The following ERGIC1 variants were observed in gnomAD, a reference collection of about 807,000 sequenced individuals.
ERGIC1 encodes the protein endoplasmic reticulum-golgi intermediate compartment 1.
Under a neutral mutation model 38.3 loss-of-function variants are expected in ERGIC1, and 19 were observed. The ratio of observed to expected loss-of-function variants is 0.50; its 90% CI spans 0.35 to 0.73. The LOEUF (loss-of-function observed/expected upper bound fraction) is 0.73, where lower values mean the gene tolerates loss of function less well. Ranked by LOEUF, ERGIC1 falls within the 30% of genes least tolerant of loss-of-function variation. ERGIC1 has a pLI of 0.01. For synonymous variants in ERGIC1, 124 were observed against 157.6 expected (o/e 0.79, Z 1.60); for missense variants, 294 against 389.2 (o/e 0.76, Z 2.06).
chr5:172,887,520 A>C (rs1156884775), intron 1 of ERGIC1, among the ~76,000 whole-genome samples: 1 of 152,240 alleles, frequency 6.6e-6, no homozygotes, highest in African/African-American at 2.4e-5. Context: ...CGAGAGGTGA[A>C]GTCGTTTGCT....
chr5:172,876,674 T>C (rs889425256), intron 1 of ERGIC1, among the ~76,000 whole-genome samples: 2 of 152,186 alleles, frequency 1.3e-5, no homozygotes, highest in African/African-American at 4.8e-5. Context: ...CATGAAACCA[T>C]CATCACAGCC....
chr5:172,883,893 G>A (rs958704405), intron 1 of ERGIC1, among the ~76,000 whole-genome samples: 1 of 152,182 alleles, frequency 6.6e-6, no homozygotes, highest in African/African-American at 2.4e-5. Flanking sequence ...TGAGGTGGGA[G>A]GATCGCCTGA....
At chr5:172,867,610 C>A in intron 1 of ERGIC1, 1 of 378,258 alleles carries the variant, frequency 2.6e-6, no homozygotes, top group South Asian at 1.9e-5. Context: ...TGGGTCCTGG[C>A]TGGGCTGGGC....
At chr5:172,929,562 A>G (rs1454967397) in intron 7 of ERGIC1, among the ~76,000 whole-genome samples, 3 of 152,232 alleles carry the variant, frequency 2.0e-5, no homozygotes, top group Non-Finnish European at 4.4e-5. Flanking sequence ...TGAGTCATCA[A>G]TTGTACTCAT....
chr5:172,864,268 C>CTTTTTTTT (rs60390189), intron 1 of ERGIC1, among the ~76,000 whole-genome samples: 2 of 71,160 alleles, frequency 2.8e-5, no homozygotes, highest in African/African-American at 1.0e-4. Context: ...ATTTTGTAGT[C>CTTTTTTTT]TTTTTTTTTT....
rs1248222761 is a variant in ERGIC1 at position 172,932,466 on chromosome 5, T to C, written c.572T>C (p.Ile191Thr). The C allele has an allele frequency of 1.9e-6, 3 of 1,614,168 alleles. No homozygotes were observed. Among genetic ancestry groups the C allele is most frequent in the Non-Finnish European group, 1.7e-6 (2 of 1,180,024 alleles). ...GCCTCCCACGACTACATCCTGAAGA[T>C]TGTGCCCACGGTTTATGAGGACAAG... Reference protein sequence around the residue: ...PLASHDYILKIVPTVYEDKSG... With the variant: ...PLASHDYILKTVPTVYEDKSG... The change falls in exon 8 of 10, where the codon ATT (isoleucine) becomes ACT (threonine). Residue 191 changes from isoleucine (I) to threonine (T), a missense_variant. Physicochemically the swap from Ile to Thr is moderately conservative, Grantham distance 89 (BLOSUM62 -1). This residue lies in a region of ERGIC1 where 109 missense variants were observed against 112.7 expected (regional missense o/e 0.97). Coordinates refer to ENST00000393784, the MANE Select transcript of ERGIC1 (RefSeq NM_001031711.3).
At chr5:172,899,366 G>A (rs1416966875) in intron 3 of ERGIC1, among the ~76,000 whole-genome samples, 1 of 132,026 alleles carries the variant, frequency 7.6e-6, no homozygotes, top group African/African-American at 3.0e-5. Flanking sequence ...CGTCCAGGCT[G>A]TAGTGCAGTG....
At chr5:172,878,776 A>G (rs1194980302) in intron 1 of ERGIC1, among the ~76,000 whole-genome samples, 3 of 152,126 alleles carry the variant, frequency 2.0e-5, no homozygotes, top group South Asian at 2.1e-4. Flanking sequence ...TGGTGTGTTC[A>G]TTTGCCTTCG....
chr5:172,855,350 C>T (rs186275266), intron 1 of ERGIC1, among the ~76,000 whole-genome samples: 2 of 152,294 alleles, frequency 1.3e-5, no homozygotes, highest in Admixed American at 1.3e-4. Flanking sequence ...CACCCACAGC[C>T]CTTCTGCTGA....
chr5:172,930,500 G>T (rs995564241), intron 7 of ERGIC1, among the ~76,000 whole-genome samples: 1 of 151,982 alleles, frequency 6.6e-6, no homozygotes, highest in African/African-American at 2.4e-5. Context: ...GTGCCACCAG[G>T]CTTGGCTAAT....
chr5:172,890,879 C>A (rs1762544158), intron 2 of ERGIC1, among the ~76,000 whole-genome samples: 1 of 152,198 alleles, frequency 6.6e-6, no homozygotes, highest in Non-Finnish European at 1.5e-5. Context: ...GGGGGAGGAC[C>A]TTGGGGATCC....
At position 172,834,398 on chromosome 5, in the gene ERGIC1, C is replaced by A. The variant is rs1386606978; in HGVS notation, c.-16C>A. 3.8e-6 allele frequency: 5 copies of A among 1,324,870 alleles called. No homozygotes were observed. The highest frequency in any genetic ancestry group is 1.9e-6 in the Non-Finnish European group (2 of 1,033,982). 82.1% of individuals were successfully genotyped at this position (1,324,870 alleles called of 1,614,324 possible). Reference sequence around the variant, plus strand: ...CCCGCCTGGCCTGCAGCGCTCCCACCCCCGGCGGCGGCACGATGCCCTTTG... The same window carrying A: ...CCCGCCTGGCCTGCAGCGCTCCCACACCCGGCGGCGGCACGATGCCCTTTG... On this transcript the variant is annotated 5_prime_UTR_variant, in exon 1 of 10. Coordinates refer to ENST00000393784, the MANE Select transcript of ERGIC1 (RefSeq NM_001031711.3). This position sits in a 1 kb window ranked among gnomAD's most constrained non-coding sequence, Gnocchi z 4.1.
intron 1 of ERGIC1, among the ~76,000 whole-genome samples, chr5:172,880,773 G>A (rs190263378): frequency 4.6e-5 from 7 of 152,346 alleles, no homozygotes; most frequent in Admixed American, 1.3e-4. Context: ...CGTGAGGAGC[G>A]TTGAGGGCAG....
At chr5:172,950,628 C>G in intron 9 of ERGIC1, 81 bp from the exon 10 acceptor site, 3 of 1,245,774 alleles carry the variant, frequency 2.4e-6, no homozygotes, top group Non-Finnish European at 3.4e-6. Flanking sequence ...CCCATCATCT[C>G]ATGATGTGGG....
intron 1 of ERGIC1, among the ~76,000 whole-genome samples, chr5:172,886,937 A>G (rs1762437687): frequency 6.6e-6 from 1 of 151,520 alleles, no homozygotes; most frequent in Non-Finnish European, 1.5e-5. Flanking sequence ...GAGACCCCCA[A>G]CCTCCCGACC....
intron 1 of ERGIC1, among the ~76,000 whole-genome samples, chr5:172,865,939 C>A (rs1761850281): frequency 6.6e-6 from 1 of 152,204 alleles, no homozygotes; most frequent in African/African-American, 2.4e-5. Context: ...TATTCCTCTT[C>A]TGTCTGCACT....
intron 3 of ERGIC1, among the ~76,000 whole-genome samples, chr5:172,901,283 C>T (rs74433541): frequency 7.5e-4 from 114 of 152,256 alleles, no homozygotes; most frequent in African/African-American, 2.3e-3. Flanking sequence ...TGGTTGGGCT[C>T]CAACCTGGCT....
intron 1 of ERGIC1, among the ~76,000 whole-genome samples, chr5:172,861,609 G>C (rs1412414599): frequency 6.6e-6 from 1 of 152,320 alleles, no homozygotes; most frequent in South Asian, 2.1e-4. Flanking sequence ...AAGACGAAAG[G>C]CATGTTATTT....
At chr5:172,902,372 A>G (rs1013851502) in intron 3 of ERGIC1, among the ~76,000 whole-genome samples, 9 of 151,974 alleles carry the variant, frequency 5.9e-5, no homozygotes, top group African/African-American at 1.7e-4. Flanking sequence ...CTGGGTTGTG[A>G]GCCAGGCTGG....
Sources: allele counts gnomAD v4.1 joint callset (sites outside exome capture counted in the v4.1 genomes callset), GRCh38; gene constraint gnomAD v4.1.1; regional missense constraint gnomAD v4.1.1; non-coding constraint Gnocchi (gnomAD v3.1); transcripts MANE v1.5; gene names NCBI Gene and HGNC (gene_info 2026-07-23, HGNC 2026-07-21).